Variants in AGBL4 observed in about 807,000 individuals in gnomAD.
The protein encoded by AGBL4 is AGBL carboxypeptidase 4, also known as cytosolic carboxypeptidase 6.
A neutral mutation model predicts 66.4 loss-of-function variants in AGBL4; 58 were observed. The ratio of observed to expected loss-of-function variants is 0.87; its 90% CI spans 0.71 to 1.09. AGBL4 has a LOEUF of 1.09. AGBL4 is among the 50% of genes least tolerant of loss of function. The pLI is 0.00. For missense variants in AGBL4, 579 were observed against 631.0 expected, an observed-to-expected ratio of 0.92 and a Z score of 0.88; for synonymous variants, 234 against 222.9, an observed-to-expected ratio of 1.05 and a Z score of -0.44.
chr1:49,656,792 G>A (rs182462847), intron 3 of AGBL4, among the ~76,000 whole-genome samples: 5 of 152,098 alleles, frequency 3.3e-5, no homozygotes, highest in South Asian at 4.1e-4. Flanking sequence ...AAAGGCCTTC[G>A]ACAAAATTCA....
At chr1:48,875,997 T>A (rs75391044) in intron 5 of AGBL4, among the ~76,000 whole-genome samples, 2 of 152,142 alleles carry the variant, frequency 1.3e-5, no homozygotes, top group African/African-American at 4.8e-5. Flanking sequence ...AAAAGCAGCA[T>A]GAATTGCTGT....
chr1:49,557,614 T>C (rs1643935651), intron 3 of AGBL4, among the ~76,000 whole-genome samples: 1 of 152,078 alleles, frequency 6.6e-6, no homozygotes, highest in South Asian at 2.1e-4. Flanking sequence ...AATCACTGTT[T>C]CCAGTGGTCT....
intron 5 of AGBL4, among the ~76,000 whole-genome samples, chr1:48,926,420 C>T (rs1056150264): frequency 1.3e-5 from 2 of 151,660 alleles, no homozygotes; most frequent in African/African-American, 4.8e-5. Context: ...GCTGGGATTA[C>T]AGGCGTGGAA....
chr1:49,879,650 CT>C (rs1367233375), intron 1 of AGBL4, among the ~76,000 whole-genome samples: 1 of 145,584 alleles, frequency 6.9e-6, no homozygotes. Context: ...TGGAGTTGCT[CT>C]TCTCGAGGAG....
intron 1 of AGBL4, among the ~76,000 whole-genome samples, chr1:49,941,511 C>T (rs1003196527): frequency 1.3e-5 from 2 of 151,984 alleles, no homozygotes; most frequent in East Asian, 1.9e-4. Flanking sequence ...TTCAACAACA[C>T]ATTAAAAGTA....
At chr1:49,383,225 AT>A (rs1644661396) in intron 3 of AGBL4, among the ~76,000 whole-genome samples, 2 of 152,168 alleles carry the variant, frequency 1.3e-5, no homozygotes, top group Admixed American at 1.3e-4. Flanking sequence ...TGACCTACAG[AT>A]TTATCTACAG....
At chr1:49,963,375 A>T (rs1657278009) in intron 1 of AGBL4, among the ~76,000 whole-genome samples, 1 of 152,084 alleles carries the variant, frequency 6.6e-6, no homozygotes, top group African/African-American at 2.4e-5. Flanking sequence ...CCTACTCCAA[A>T]GGCTAGTGAC....
chr1:49,654,333 T>C (rs1646072718), intron 3 of AGBL4, among the ~76,000 whole-genome samples: 1 of 152,222 alleles, frequency 6.6e-6, no homozygotes, highest in South Asian at 2.1e-4. Context: ...TGAGGAGTGC[T>C]TTATTTACAA....
At position 49,648,775 on chromosome 1, in the gene AGBL4, G is replaced by T. The variant is rs371391075; in HGVS notation, c.282+48538C>A. On this transcript the variant is annotated intron_variant, in intron 3 of 13. Coordinates refer to ENST00000371839, the MANE Select transcript of AGBL4 (RefSeq NM_032785.4). ...CTCTACGAAATTATCCTTCAAAAAT[G>T]GAGGAAAAATACTTTCTCAAATAAA... 9.9e-5 allele frequency among the ~76,000 whole-genome samples: 15 copies of T among 151,588 alleles called. 1 individual carries two copies. Among genetic ancestry groups the T allele is most frequent in the African/African-American group, 3.6e-4 (15 of 41,356 alleles).
chr1:49,586,102 C>T (rs1340480497), intron 3 of AGBL4, among the ~76,000 whole-genome samples: 1 of 152,098 alleles, frequency 6.6e-6, no homozygotes, highest in Non-Finnish European at 1.5e-5. Context: ...AATGTATTGA[C>T]TGTCAAATAC....
chr1:49,260,857 A>T (rs1653079101), intron 3 of AGBL4, among the ~76,000 whole-genome samples: 1 of 151,654 alleles, frequency 6.6e-6, no homozygotes, highest in African/African-American at 2.4e-5. Flanking sequence ...CACAACCAAA[A>T]AAGAGAATTT....
At chr1:49,164,414 A>G (rs1646595144) in intron 4 of AGBL4, among the ~76,000 whole-genome samples, 1 of 152,192 alleles carries the variant, frequency 6.6e-6, no homozygotes, top group African/African-American at 2.4e-5. Flanking sequence ...CTGCTGCTAT[A>G]TAAAATGAAT....
intron 3 of AGBL4, among the ~76,000 whole-genome samples, chr1:49,660,622 A>C (rs927083299): frequency 6.6e-6 from 1 of 152,200 alleles, no homozygotes; most frequent in Admixed American, 6.5e-5. Context: ...AAGGAATATA[A>C]ATTGTTCTAT....
chr1:49,397,799 G>A (rs898509984), intron 3 of AGBL4, among the ~76,000 whole-genome samples: 4 of 151,888 alleles, frequency 2.6e-5, no homozygotes, highest in South Asian at 4.2e-4. Context: ...TACAAATTTC[G>A]TTCATCCATT....
At chr1:49,269,547 A>C in intron 3 of AGBL4, among the ~76,000 whole-genome samples, 1 of 152,154 alleles carries the variant, frequency 6.6e-6, no homozygotes, top group Non-Finnish European at 1.5e-5. Flanking sequence ...AATAACATTT[A>C]CTATCTATTC....
chr1:49,556,960 C>T (rs911769888), intron 3 of AGBL4, among the ~76,000 whole-genome samples: 27 of 152,246 alleles, frequency 1.8e-4, no homozygotes, highest in African/African-American at 5.3e-4. Context: ...AAGCCCCTCA[C>T]TGCCTGGGGC....
At chr1:49,087,931 A>T (rs1644937089) in intron 4 of AGBL4, among the ~76,000 whole-genome samples, 1 of 152,228 alleles carries the variant, frequency 6.6e-6, no homozygotes, top group Admixed American at 6.5e-5. Flanking sequence ...GAGGGTCTCT[A>T]TTCAACATTC....
intron 2 of AGBL4, among the ~76,000 whole-genome samples, chr1:49,788,855 C>G (rs1644523478): frequency 1.3e-5 from 2 of 152,144 alleles, no homozygotes; most frequent in Non-Finnish European, 2.9e-5. Context: ...CCTGATTGCC[C>G]TAGCCAGAAC....
At chr1:49,855,606 C>A (rs72903796) in intron 1 of AGBL4, among the ~76,000 whole-genome samples, 2,766 of 152,128 alleles carry the variant, frequency 0.018, 78 homozygotes, top group African/African-American at 0.063. Context: ...AGGATCTCTG[C>A]AGACTGTAAA....
Sources: gnomAD v4.1 joint callset for allele counts (sites outside exome capture counted in the v4.1 genomes callset) on GRCh38, gnomAD v4.1.1 for gene constraint, MANE v1.5 for transcripts, NCBI Gene and HGNC (gene_info 2026-07-23, HGNC 2026-07-21) for gene names.